The following TBC1D32 variants were observed in gnomAD, a reference collection of about 807,000 sequenced individuals.
TBC1D32 encodes the protein TBC1 domain family member 32.
Under a neutral mutation model 170.3 loss-of-function variants are expected in TBC1D32, and 151 were observed. That is an observed-to-expected ratio of 0.89 (90% CI 0.78 to 1.01). The LOEUF (loss-of-function observed/expected upper bound fraction) is 1.01. Ranked by LOEUF, TBC1D32 falls within the 50% of genes least tolerant of loss-of-function variation. TBC1D32 has a pLI of 0.00. For synonymous variants in TBC1D32, 498 were observed against 488.0 expected (o/e 1.02, Z -0.27); for missense variants, 1,464 against 1,457.1 (o/e 1.00, Z -0.08).
At chr6:121,306,790 AATCAT>A (rs1409576174) in intron 5 of TBC1D32, among the ~76,000 whole-genome samples, 2 of 152,156 alleles carry the variant, frequency 1.3e-5, no homozygotes, top group Non-Finnish European at 2.9e-5. Context: ...TTTTAAATAA[AATCAT>A]ATCTACTGAC....
In TBC1D32 at chr6:121,273,479, G is replaced by A. The variant is rs559876352; in HGVS notation, c.1733+5642C>T. The stretch of plus-strand genomic sequence containing the variant: ...CACAGGGTGGGGAACATCACACACC[G>A]GGGCCTGTCGTGGGGTTGGGGGGGT... On this transcript the variant is annotated intron_variant, in intron 15 of 31. Transcript: ENST00000398212. 3.1e-4 allele frequency among the ~76,000 whole-genome samples: 46 copies of A among 148,658 alleles called. No individual in the cohort carries two copies. In the East Asian group the frequency reaches 3.2e-3, roughly 10 times the overall value.
chr6:121,292,359 T>C (rs942824045), intron 11 of TBC1D32, among the ~76,000 whole-genome samples, 166 bp from the exon 12 acceptor site: 9 of 152,144 alleles, frequency 5.9e-5, no homozygotes, highest in African/African-American at 1.4e-4. Flanking sequence ...TAAGATCCTT[T>C]ACAATAAATC....
intron 22 of TBC1D32, among the ~76,000 whole-genome samples, chr6:121,172,065 G>A (rs1787088886): frequency 6.6e-6 from 1 of 152,060 alleles, no homozygotes; most frequent in Non-Finnish European, 1.5e-5. Context: ...CTGGGGAAGG[G>A]AACGAATGAG....
intron 26 of TBC1D32, among the ~76,000 whole-genome samples, 193 bp downstream of exon 26, chr6:121,126,183 AAG>A (rs957594710): frequency 1.3e-5 from 2 of 152,184 alleles, no homozygotes; most frequent in African/African-American, 4.8e-5. Context: ...AAGCTCAAGA[AAG>A]AATCACAGAG....
chr6:121,217,709 G>A (rs1310384470), intron 21 of TBC1D32, among the ~76,000 whole-genome samples: 1 of 152,074 alleles, frequency 6.6e-6, no homozygotes, highest in Non-Finnish European at 1.5e-5. Context: ...CTTAGTACCT[G>A]GGTGATGAAA....
intron 22 of TBC1D32, among the ~76,000 whole-genome samples, chr6:121,203,772 T>G (rs1228258869): frequency 6.6e-6 from 1 of 151,384 alleles, no homozygotes; most frequent in Non-Finnish European, 1.5e-5. Flanking sequence ...ACTATTCTTT[T>G]ATCTATCAAC....
intron 21 of TBC1D32, among the ~76,000 whole-genome samples, chr6:121,221,149 T>C (rs1172805158): frequency 6.6e-6 from 1 of 152,154 alleles, no homozygotes; most frequent in African/African-American, 2.4e-5. Flanking sequence ...TGGAAAATTA[T>C]GCTAAATCTA....
intron 24 of TBC1D32, among the ~76,000 whole-genome samples, chr6:121,141,493 G>A (rs1163089521): frequency 1.3e-5 from 2 of 152,136 alleles, no homozygotes; most frequent in African/African-American, 4.8e-5. Flanking sequence ...TGGGCAAAGT[G>A]ATGGAACAGT....
At chr6:121,087,941 A>G (rs1776413186) in intron 31 of TBC1D32, among the ~76,000 whole-genome samples, 1 of 144,412 alleles carries the variant, frequency 6.9e-6, no homozygotes, top group South Asian at 2.1e-4. Flanking sequence ...GTATGCAGTT[A>G]CATGGGGAAT....
At chr6:121,246,933 C>T (rs1797693660) in intron 17 of TBC1D32, among the ~76,000 whole-genome samples, 3 of 151,624 alleles carry the variant, frequency 2.0e-5, no homozygotes, top group Admixed American at 2.0e-4. Context: ...GTTTGGAAAA[C>T]TCATTTTAGG....
intron 18 of TBC1D32, among the ~76,000 whole-genome samples, chr6:121,241,875 T>C (rs1797027402): frequency 6.6e-6 from 1 of 152,182 alleles, no homozygotes. Context: ...GACATATACA[T>C]TTAGACACAA....
chr6:121,251,117 A>G (rs1798235427), intron 17 of TBC1D32, among the ~76,000 whole-genome samples: 2 of 152,158 alleles, frequency 1.3e-5, no homozygotes, highest in Admixed American at 1.3e-4. Flanking sequence ...ATGCTCATGA[A>G]TAGGAAGAAT....
intron 30 of TBC1D32, among the ~76,000 whole-genome samples, chr6:121,103,680 A>G (rs1179232315): frequency 1.3e-5 from 2 of 151,956 alleles, no homozygotes; most frequent in Admixed American, 6.6e-5. Flanking sequence ...ACATGTATAC[A>G]TATATAACAA....
At chr6:121,254,848 G>T (rs1467513545) in intron 17 of TBC1D32, among the ~76,000 whole-genome samples, 6 of 152,002 alleles carry the variant, frequency 3.9e-5, no homozygotes, top group Non-Finnish European at 5.9e-5. Flanking sequence ...ACTGATATCT[G>T]TAAAGAAACA....
chr6:121,334,619 T>C (rs1222939490), upstream of TBC1D32: 3 of 657,626 alleles, frequency 4.6e-6, no homozygotes, highest in Non-Finnish European at 5.1e-6. Context: ...TCACCTTACT[T>C]TGGGGAAGCA....
At chr6:121,264,752 T>A (rs1722139355) in intron 15 of TBC1D32, among the ~76,000 whole-genome samples, 1 of 152,200 alleles carries the variant, frequency 6.6e-6, no homozygotes, top group Non-Finnish European at 1.5e-5. Flanking sequence ...GATGCAAGGC[T>A]GGTTCAACAT....
intron 24 of TBC1D32, among the ~76,000 whole-genome samples, chr6:121,133,927 TAAAAC>T (rs1781730755): frequency 1.4e-5 from 2 of 146,694 alleles, no homozygotes; most frequent in African/African-American, 4.8e-5. Context: ...TAAAAACACT[TAAAAC>T]TATAAACTCA....
chr6:121,139,315 A>G (rs1209619433), intron 24 of TBC1D32, among the ~76,000 whole-genome samples: 1 of 152,238 alleles, frequency 6.6e-6, no homozygotes, highest in Non-Finnish European at 1.5e-5. Flanking sequence ...TCAAAATGCA[A>G]TTGCAATTAC....
At chr6:121,258,652 ATCAT>A (rs1799364909) in intron 15 of TBC1D32, among the ~76,000 whole-genome samples, 1 of 152,128 alleles carries the variant, frequency 6.6e-6, no homozygotes, top group African/African-American at 2.4e-5. Context: ...AACAAATATG[ATCAT>A]TCATATTTCT....
Sources: allele counts gnomAD v4.1 joint callset (sites outside exome capture counted in the v4.1 genomes callset), GRCh38; gene constraint gnomAD v4.1.1; transcripts MANE v1.5; gene names NCBI Gene and HGNC (gene_info 2026-07-23, HGNC 2026-07-21).